UNC13B: variants seen among roughly 807,000 people sequenced by gnomAD.
The protein encoded by UNC13B is unc-13 homolog B.
In UNC13B, 144 loss-of-function variants were observed where a neutral mutation model predicts 211.0. The observed-to-expected ratio is 0.68, with a 90% CI of 0.60 to 0.78. The LOEUF (loss-of-function observed/expected upper bound fraction) is 0.78, where lower values mean the gene tolerates loss of function less well. Among genes scored for constraint, UNC13B ranks in the 30% least tolerant of loss-of-function variants. The pLI is 0.00. For synonymous variants in UNC13B, 709 were observed against 725.8 expected, an observed-to-expected ratio of 0.98 and a Z score of 0.37; for missense variants, 1,777 against 2,002.0, an observed-to-expected ratio of 0.89 and a Z score of 2.14.
chr9:35,214,057 G>A (rs889174797), intron 1 of UNC13B, among the ~76,000 whole-genome samples: 33 of 152,116 alleles, frequency 2.2e-4, no homozygotes, highest in Non-Finnish European at 3.8e-4. Flanking sequence ...ATAGCAGACT[G>A]AGTATAAATC....
chr9:35,315,919 G>A (rs1484027145), intron 11 of UNC13B, among the ~76,000 whole-genome samples: 1 of 152,162 alleles, frequency 6.6e-6, no homozygotes, highest in Non-Finnish European at 1.5e-5. Context: ...AAATGATGCT[G>A]TGCTCTTTTC....
intron 1 of UNC13B, among the ~76,000 whole-genome samples, chr9:35,181,011 T>C (rs1054188108): frequency 2.0e-5 from 3 of 151,716 alleles, no homozygotes; most frequent in Non-Finnish European, 4.4e-5. Context: ...GATGGGAGGA[T>C]CACTTGAGCC....
chr9:35,334,344 A>T (rs1327673284), intron 11 of UNC13B, among the ~76,000 whole-genome samples: 3 of 152,222 alleles, frequency 2.0e-5, no homozygotes, highest in Non-Finnish European at 4.4e-5. Context: ...CAGGGGCTAA[A>T]GTTTAAGTTG....
At chr9:35,312,641 C>T (rs981790473) in intron 10 of UNC13B, among the ~76,000 whole-genome samples, 1 of 152,200 alleles carries the variant, frequency 6.6e-6, no homozygotes, top group African/African-American at 2.4e-5. Flanking sequence ...ACAGTTGACA[C>T]ATTTAGTTGG....
intron 17 of UNC13B, among the ~76,000 whole-genome samples, chr9:35,379,271 A>G (rs1834658541): frequency 6.6e-6 from 1 of 152,122 alleles, no homozygotes; most frequent in South Asian, 2.1e-4. Context: ...AACATGGCAA[A>G]ACCCCATCTC....
intron 11 of UNC13B, among the ~76,000 whole-genome samples, chr9:35,325,632 G>A (rs1587623754): frequency 6.6e-6 from 1 of 152,006 alleles, no homozygotes; most frequent in Admixed American, 6.6e-5. Context: ...ACAATTAAGT[G>A]GTATTTAATA....
intron 18 of UNC13B, 95 bp from the exon 19 acceptor site, chr9:35,381,005 G>T (rs1834791821): frequency 8.1e-7 from 1 of 1,231,542 alleles, no homozygotes; most frequent in Non-Finnish European, 1.1e-6. Context: ...TTTTCCTTGG[G>T]TTGGCCCCTT....
At chr9:35,185,614 C>T (rs1822314477) in intron 1 of UNC13B, among the ~76,000 whole-genome samples, 1 of 152,054 alleles carries the variant, frequency 6.6e-6, no homozygotes, top group Non-Finnish European at 1.5e-5. Flanking sequence ...AAAGAACTCT[C>T]TATAATCCGA....
Position 35,396,482 on chromosome 9 carries a change from A to T in UNC13B, c.11315A>T (p.Glu3772Val). The change falls in exon 27 of 40, where the codon GAG becomes GTG. Residue 3772 changes from glutamate (E) to valine (V), a missense_variant. Transcript: ENST00000635942. Reference protein sequence around the residue: ...QDMKYALEEHEKDHLCKSADY... With the variant: ...QDMKYALEEHVKDHLCKSADY... ...CCTTTCTCCCTACCACTAGAGCATG[A>T]GAAAGACCACCTGTGTAAAAGTGCT... 6.2e-7 allele frequency: 1 copy of T among 1,614,126 alleles called. No homozygotes were observed. The highest frequency in any genetic ancestry group is 8.5e-7 in the Non-Finnish European group (1 of 1,180,030).
intron 17 of UNC13B, among the ~76,000 whole-genome samples, chr9:35,378,830 G>T (rs902807638): frequency 7.9e-5 from 12 of 152,116 alleles, no homozygotes; most frequent in African/African-American, 4.8e-5. Flanking sequence ...ATAAGGAGTG[G>T]GGAGGGAGTG....
intron 6 of UNC13B, 52 bp downstream of exon 6, chr9:35,243,416 C>T (rs750234602): frequency 2.5e-6 from 4 of 1,594,278 alleles, no homozygotes; most frequent in Admixed American, 1.7e-5. Context: ...ATCTCCAATG[C>T]TCTTTATAGG....
chr9:35,299,604 G>A (rs951666732), intron 8 of UNC13B, among the ~76,000 whole-genome samples: 2 of 152,102 alleles, frequency 1.3e-5, no homozygotes, highest in East Asian at 1.9e-4. Context: ...GCAAGTTGAA[G>A]CATTTAAAAA....
Position 35,237,700 on chromosome 9 carries a change from T to C in UNC13B, c.271-3T>C. 6.2e-7 allele frequency: 1 copy of C among 1,610,452 alleles called. No homozygotes were observed. ...ACTTTAATCTTAGATCTTTGTTTCC[T>C]AGGAAGGGCCTGGGGAATGGTCCAC... On this transcript the variant is annotated splice_region_variant and splice_polypyrimidine_tract_variant and intron_variant, in intron 4 of 39. Coordinates refer to ENST00000635942, the MANE Select transcript of UNC13B (RefSeq NM_001371189.2).
chr9:35,392,008 A>G (rs936463654), intron 26 of UNC13B, among the ~76,000 whole-genome samples: 3 of 152,226 alleles, frequency 2.0e-5, no homozygotes, highest in Non-Finnish European at 2.9e-5. Flanking sequence ...AAGAGAAAGA[A>G]TTAATGTTGG....
intron 24 of UNC13B, among the ~76,000 whole-genome samples, chr9:35,388,665 C>T (rs1381249552): frequency 6.6e-6 from 1 of 152,038 alleles, no homozygotes. Context: ...GCAGAGTGTG[C>T]GGCACATAAT....
chr9:35,301,962 A>G lies in UNC13B; in HGVS notation c.2558A>G (p.His853Arg), dbSNP rs642223. The change falls in exon 9 of 40, where the codon CAT (histidine) becomes CGT (arginine). Residue 853 changes from histidine (H) to arginine (R), a missense_variant. His to Arg is a conservative substitution (Grantham distance 29). Coordinates refer to ENST00000635942, the MANE Select transcript of UNC13B (RefSeq NM_001371189.2). ...GAAAGGGGCTCTAAGAAAGATGGTC[A>G]TTCCTTTTCCTTTAGTGGAAAACTA... is the stretch of plus-strand genomic sequence containing the variant. ...GLERGSKKDG[H>R]SFSFSGKLNL... 0.34 allele frequency: 135,586 copies of G among 398,532 alleles called. 23,899 individuals carry two copies. The highest frequency in any genetic ancestry group is 0.47 in the African/African-American group (22,757 of 48,640). 24.7% of individuals were successfully genotyped at this position (398,532 alleles called of 1,614,324 possible).
intron 1 of UNC13B, among the ~76,000 whole-genome samples, chr9:35,193,002 G>A (rs149067302): frequency 4.8e-4 from 73 of 152,296 alleles, no homozygotes; most frequent in African/African-American, 1.7e-3. Context: ...ACCCATGGTT[G>A]CAGGTGTGAC....
chr9:35,198,849 C>T (rs544510138), intron 1 of UNC13B, among the ~76,000 whole-genome samples: 161 of 152,120 alleles, frequency 1.1e-3, no homozygotes, highest in Non-Finnish European at 1.9e-3. Context: ...GCCCTGGGGA[C>T]CTAGGGACTG....
chr9:35,388,500 A>G (rs1431939165), intron 24 of UNC13B, among the ~76,000 whole-genome samples: 1 of 152,260 alleles, frequency 6.6e-6, no homozygotes, highest in Non-Finnish European at 1.5e-5. Flanking sequence ...TCTGGGATCA[A>G]ATCTTAGTTC....
Sources: allele counts gnomAD v4.1 joint callset (sites outside exome capture counted in the v4.1 genomes callset), GRCh38; gene constraint gnomAD v4.1.1; transcripts MANE v1.5; gene names NCBI Gene and HGNC (gene_info 2026-07-23, HGNC 2026-07-21).